PARP1: variants seen among roughly 807,000 people sequenced by gnomAD.
PARP1 encodes poly(ADP-ribose) polymerase 1.
A neutral mutation model predicts 118.7 loss-of-function variants in PARP1; 44 were observed. The observed-to-expected ratio is 0.37, with a 90% CI of 0.29 to 0.48. The LOEUF (loss-of-function observed/expected upper bound fraction) is 0.48. Among genes scored for constraint, PARP1 ranks in the 20% least tolerant of loss-of-function variants. The probability of loss-of-function intolerance (pLI) is 0.99; values close to 1 mark genes in which losing one functional copy is unlikely to be tolerated. For missense variants in PARP1, 1,100 were observed against 1,272.4 expected (o/e 0.86, Z 2.06); for synonymous variants, 492 against 483.2 (o/e 1.02, Z -0.24).
intron 12 of PARP1, among the ~76,000 whole-genome samples, chr1:226,378,145 A>G (rs1234014012): frequency 6.6e-6 from 1 of 152,072 alleles, no homozygotes; most frequent in African/African-American, 2.4e-5. Flanking sequence ...CCACCCTTTC[A>G]CTTAACACCA....
At chr1:226,392,157 G>A in intron 3 of PARP1, 42 bp downstream of exon 3, 2 of 1,268,004 alleles carry the variant, frequency 1.6e-6, no homozygotes, top group Non-Finnish European at 1.2e-6. Context: ...ATCATTGCAA[G>A]CAATCCATAA....
At position 226,407,859 on chromosome 1, in the gene PARP1, C is replaced by G; in HGVS notation, c.71G>C (p.Cys24Ser). 6.2e-7 allele frequency: 1 copy of G among 1,607,980 alleles called. No homozygotes were observed. ...AKSGRASCKK[C>S]SESIPKDSLR... ...CGAGTCCTTGGGGATGCTCTCGCTG[C>G]ATTTCTTGCAAGAGGCGCGCCCGCT... The change falls in exon 1 of 23, where the codon TGC becomes TCC. Residue 24 changes from cysteine to serine, a missense_variant. Coordinates refer to ENST00000366794, the MANE Select transcript of PARP1 (RefSeq NM_001618.4).
Position 226,385,678 on chromosome 1 carries a change from G to T in PARP1, c.837C>A (p.Ile279=). 6.2e-7 allele frequency: 1 copy of T among 1,614,094 alleles called. No homozygotes were observed. Among genetic ancestry groups the T allele is most frequent in the Non-Finnish European group, 8.5e-7 (1 of 1,179,928 alleles). ...CCATGCCATCAGCTACTCGGTCCAAGATCTGCAGCCAGTGGAGAAACATGT... is the reference window on the plus strand; with the variant it reads ...CCATGCCATCAGCTACTCGGTCCAATATCTGCAGCCAGTGGAGAAACATGT... ...KQQVPSGESA[I]LDRVADGMVF... Residue 279 remains isoleucine, a splice_region_variant and synonymous_variant, in exon 7 of 23, where the codon ATC becomes ATA. Transcript: ENST00000366794.
chr1:226,397,067 T>C lies in PARP1; in HGVS notation c.287-4753A>G, dbSNP rs113441382. 1.5e-3 allele frequency among the ~76,000 whole-genome samples: 229 copies of C among 151,494 alleles called. 1 individual carries two copies. Among genetic ancestry groups the C allele is most frequent in the African/African-American group, 5.3e-3 (219 of 41,256 alleles). ...TGTGCTTTGGGAGGCAGAGGTGAGA[T>C]TGTTTGAAGCCAAGAGTTTGAGACC... On this transcript the variant is annotated intron_variant, in intron 2 of 22. Transcript: ENST00000366794.
At position 226,379,205 on chromosome 1, in the gene PARP1, T is replaced by C; in HGVS notation, c.1682A>G (p.Asp561Gly). The change falls in exon 12 of 23, where the codon GAC becomes GGC. Residue 561 changes from aspartate (D) to glycine (G), a missense_variant. Around this residue, in one of 2 missense-constraint regions of PARP1, gnomAD observed 948 missense variants for 1,031.8 expected, o/e 0.92. Transcript: ENST00000366794. ...GTAGGAGTTGGTTCCTTTAACGATG[T>C]CCACCAGGCCAAGGGTGGCACTGAA... Reference protein sequence around the residue: ...KVFSATLGLVDIVKGTNSYYK... With the variant: ...KVFSATLGLVGIVKGTNSYYK... The C allele has an allele frequency of 6.2e-7, 1 of 1,614,204 alleles. No individual in the cohort carries two copies. Among genetic ancestry groups the C allele is most frequent in the Non-Finnish European group, 8.5e-7 (1 of 1,180,024 alleles).
intron 2 of PARP1, chr1:226,392,830 T>C: frequency 9.4e-7 from 1 of 1,068,884 alleles, no homozygotes; most frequent in Non-Finnish European, 1.3e-6. Context: ...AATAAAGAGT[T>C]CTGGGGATCA....
At chr1:226,374,177 T>TA in intron 14 of PARP1, 49 bp downstream of exon 14, 4 of 1,608,902 alleles carry the variant, frequency 2.5e-6, no homozygotes, top group Non-Finnish European at 3.4e-6. Context: ...GCTCAGCAAA[T>TA]AATCATCCAC....
intron 3 of PARP1, 112 bp from the exon 4 acceptor site, chr1:226,390,736 T>A: frequency 1.1e-6 from 1 of 951,622 alleles, no homozygotes; most frequent in Non-Finnish European, 1.6e-6. Flanking sequence ...AGCCAAGGCC[T>A]GCCCGCCAAC....
chr1:226,383,852 C>T (rs897229446), intron 7 of PARP1, among the ~76,000 whole-genome samples: 3 of 152,210 alleles, frequency 2.0e-5, no homozygotes, highest in African/African-American at 7.2e-5. Context: ...AATCAAGAAA[C>T]TGCCCTTTCC....
chr1:226,370,718 T>A, intron 14 of PARP1: 1 of 634,880 alleles, frequency 1.6e-6, no homozygotes, highest in Non-Finnish European at 2.9e-6. Context: ...CTGAAGATTC[T>A]TGCTCACTTC....
intron 2 of PARP1, among the ~76,000 whole-genome samples, chr1:226,396,745 C>T (rs914321653): frequency 6.6e-6 from 1 of 152,052 alleles, no homozygotes; most frequent in Non-Finnish European, 1.5e-5. Flanking sequence ...TTAGGTCAGC[C>T]TGGCCAATAT....
At chr1:226,380,875 T>G (rs1441250766) in intron 9 of PARP1, among the ~76,000 whole-genome samples, 193 bp downstream of exon 9, 1 of 152,184 alleles carries the variant, frequency 6.6e-6, no homozygotes, top group Non-Finnish European at 1.5e-5. Flanking sequence ...GAACACGCAA[T>G]GCATGTGAAT....
chr1:226,374,377 T>C (rs778891737), intron 13 of PARP1, 23 bp from the exon 14 acceptor site: 1 of 1,614,114 alleles, frequency 6.2e-7, no homozygotes, highest in Non-Finnish European at 8.5e-7. Flanking sequence ...AGCACATTGC[T>C]AAGAGACCCA....
chr1:226,392,879 T>C, intron 2 of PARP1: 3 of 1,541,798 alleles, frequency 1.9e-6, no homozygotes, highest in South Asian at 1.3e-5. Context: ...ATTCTTCTCT[T>C]ATTATAAAAA....
At chr1:226,377,937 A>G (rs1333805239) in intron 12 of PARP1, among the ~76,000 whole-genome samples, 1 of 152,150 alleles carries the variant, frequency 6.6e-6, no homozygotes, top group African/African-American at 2.4e-5. Context: ...ATATATCATA[A>G]ACCCACATAC....
rs950676307 is a variant in PARP1, at chr1:226,401,904, G to C, written c.286+310C>G. Reference sequence around the variant, plus strand: ...ACAAGGAAGAGCCTGTGTGGTGGGAGGGGGAGGGGGTACTGGAAACTCTTT... The same window carrying C: ...ACAAGGAAGAGCCTGTGTGGTGGGACGGGGAGGGGGTACTGGAAACTCTTT... On this transcript the variant is annotated intron_variant, in intron 2 of 22. Transcript: ENST00000366794. 2.1e-5 allele frequency: 26 copies of C among 1,244,122 alleles called. No homozygotes were observed. The East Asian group carries it at 5.9e-4, about 28-fold the overall frequency. 77.1% of individuals were successfully genotyped at this position (1,244,122 alleles called of 1,614,324 possible). A position where few individuals can be genotyped will look rare whatever the true frequency, so the allele number is the denominator to read the frequency against.
intron 5 of PARP1, 78 bp downstream of exon 5, chr1:226,388,578 C>T (rs1664757076): frequency 4.9e-6 from 5 of 1,028,978 alleles, no homozygotes. Flanking sequence ...GACACAACTC[C>T]TTGAATTGTC....
intron 20 of PARP1, among the ~76,000 whole-genome samples, 176 bp downstream of exon 20, chr1:226,363,767 C>T (rs138965927): frequency 1.4e-3 from 216 of 152,298 alleles, no homozygotes; most frequent in African/African-American, 5.1e-3. Context: ...CCTTGTATCT[C>T]CCTTGTTCCC....
chr1:226,390,017 T>C (rs776833301), intron 4 of PARP1, among the ~76,000 whole-genome samples: 1 of 152,168 alleles, frequency 6.6e-6, no homozygotes, highest in Non-Finnish European at 1.5e-5. Flanking sequence ...ATGGTCACCA[T>C]TCTCCCAGCA....
Sources: allele counts gnomAD v4.1 joint callset (sites outside exome capture counted in the v4.1 genomes callset), GRCh38; gene constraint gnomAD v4.1.1; regional missense constraint gnomAD v4.1.1; transcripts MANE v1.5; gene names NCBI Gene and HGNC (gene_info 2026-07-23, HGNC 2026-07-21).